Variants in ADAMTS19 observed in about 807,000 individuals in gnomAD.
The protein encoded by ADAMTS19 is ADAM metallopeptidase with thrombospondin type 1 motif 19.
A neutral mutation model predicts 153.3 loss-of-function variants in ADAMTS19; 93 were observed. That is an observed-to-expected ratio of 0.61 (90% CI 0.51 to 0.72). The LOEUF is 0.72. ADAMTS19 is among the 30% of genes least tolerant of loss of function. ADAMTS19 has a pLI of 0.00. For synonymous variants in ADAMTS19, 600 were observed against 556.6 expected (o/e 1.08, Z -1.10); for missense variants, 1,482 against 1,552.1 (o/e 0.95, Z 0.76).
At chr5:129,638,246 A>T (rs566029340) in intron 10 of ADAMTS19, among the ~76,000 whole-genome samples, 2 of 152,316 alleles carry the variant, frequency 1.3e-5, no homozygotes, top group Non-Finnish European at 2.9e-5. Flanking sequence ...AAGATTTTTA[A>T]CAGGCTTAAC....
intron 8 of ADAMTS19, among the ~76,000 whole-genome samples, chr5:129,618,635 A>G (rs1296936227): frequency 2.0e-5 from 3 of 151,952 alleles, no homozygotes; most frequent in Non-Finnish European, 2.9e-5. Context: ...TCTCATTGTA[A>G]TTTCCCTTAG....
intron 6 of ADAMTS19, among the ~76,000 whole-genome samples, chr5:129,544,831 G>A (rs1427856309): frequency 1.3e-5 from 2 of 152,150 alleles, no homozygotes; most frequent in Non-Finnish European, 2.9e-5. Flanking sequence ...AGCAAGCACA[G>A]GTTGTGAACA....
chr5:129,656,622 G>A (rs950440198), intron 14 of ADAMTS19, among the ~76,000 whole-genome samples: 8 of 152,154 alleles, frequency 5.3e-5, no homozygotes, highest in Non-Finnish European at 1.2e-4. Context: ...CTTCAAAGTA[G>A]TTCATCTTCA....
In ADAMTS19 at chr5:129,493,458, C is replaced by T. The variant is rs191540828; in HGVS notation, c.748-15619C>T. ...TTTCTCAATTCATTTTGCATTTCATCTGTTAATTCCCCTTTCAGTATTTTG... is the reference window on the plus strand; with the variant it reads ...TTTCTCAATTCATTTTGCATTTCATTTGTTAATTCCCCTTTCAGTATTTTG... On this transcript the variant is annotated intron_variant, in intron 2 of 22. Transcript: ENST00000274487. 4.7e-5 allele frequency among the ~76,000 whole-genome samples: 7 copies of T among 150,102 alleles called. No individual in the cohort carries two copies. The South Asian group carries it at 1.5e-3, about 32-fold the overall frequency.
intron 10 of ADAMTS19, among the ~76,000 whole-genome samples, chr5:129,640,118 A>G (rs781189392): frequency 1.2e-4 from 19 of 152,184 alleles, no homozygotes; most frequent in Admixed American, 5.2e-4. Flanking sequence ...TTTGTGTGAC[A>G]TATTTTGAAG....
At chr5:129,622,125 T>A in intron 9 of ADAMTS19, 73 bp from the exon 10 acceptor site, 3 of 1,477,782 alleles carry the variant, frequency 2.0e-6, no homozygotes, top group Non-Finnish European at 2.8e-6. Context: ...AAGTGTTTCT[T>A]GTTGTATGCT....
At chr5:129,724,321 T>C (rs1757119394) in intron 21 of ADAMTS19, among the ~76,000 whole-genome samples, 1 of 152,206 alleles carries the variant, frequency 6.6e-6, no homozygotes, top group Admixed American at 6.5e-5. Flanking sequence ...AGAGTCTGCT[T>C]TGTCAATCTT....
intron 1 of ADAMTS19, chr5:129,460,825 CTT>C: frequency 2.1e-6 from 1 of 474,460 alleles, no homozygotes; most frequent in South Asian, 4.0e-5. Flanking sequence ...GTGCTGGAGT[CTT>C]TGCATCGGTT....
intron 7 of ADAMTS19, among the ~76,000 whole-genome samples, chr5:129,580,136 TGAAGA>T (rs900373257): frequency 2.2e-4 from 34 of 152,330 alleles, no homozygotes; most frequent in African/African-American, 7.9e-4. Flanking sequence ...TAGTTCTCCT[TGAAGA>T]GGTCCTTCAC....
chr5:129,471,031 T>C (rs1275886985), intron 2 of ADAMTS19, among the ~76,000 whole-genome samples: 3 of 150,564 alleles, frequency 2.0e-5, no homozygotes, highest in Non-Finnish European at 4.4e-5. Context: ...TGATGTCCTG[T>C]TTCTTCAAGT....
intron 16 of ADAMTS19, among the ~76,000 whole-genome samples, chr5:129,672,585 G>T (rs988577908): frequency 7.2e-5 from 11 of 152,154 alleles, no homozygotes; most frequent in African/African-American, 2.4e-4. Flanking sequence ...CAACTTCATT[G>T]TGGTGGAGAG....
At chr5:129,626,633 G>A (rs1752062657) in intron 10 of ADAMTS19, among the ~76,000 whole-genome samples, 1 of 152,018 alleles carries the variant, frequency 6.6e-6, no homozygotes, top group African/African-American at 2.4e-5. Flanking sequence ...ATAGACGATA[G>A]ATAGGTAGCT....
At chr5:129,622,877 T>C (rs1751844428) in intron 10 of ADAMTS19, among the ~76,000 whole-genome samples, 1 of 152,178 alleles carries the variant, frequency 6.6e-6, no homozygotes, top group Non-Finnish European at 1.5e-5. Flanking sequence ...TTATTATTTG[T>C]ATTATTTATA....
intron 2 of ADAMTS19, among the ~76,000 whole-genome samples, chr5:129,494,410 A>G (rs1470009885): frequency 1.3e-5 from 2 of 152,098 alleles, no homozygotes; most frequent in Non-Finnish European, 2.9e-5. Flanking sequence ...TTTATTGATT[A>G]TTAGTTTTCT....
At chr5:129,546,675 CA>C (rs1752872513) in intron 6 of ADAMTS19, among the ~76,000 whole-genome samples, 1 of 150,712 alleles carries the variant, frequency 6.6e-6, no homozygotes, top group Non-Finnish European at 1.5e-5. Context: ...AAAATGAAAG[CA>C]AAAGAAAAAA....
rs115078193 is a variant in ADAMTS19, at chr5:129,668,195, A to G, written c.2506+2616A>G. 2.5e-3 allele frequency among the ~76,000 whole-genome samples: 382 copies of G among 152,120 alleles called. 1 individual carries two copies. Among genetic ancestry groups the G allele is most frequent in the African/African-American group, 7.5e-3 (312 of 41,490 alleles). The stretch of plus-strand genomic sequence containing the variant: ...TCTCTTTGCCTTCTCCTTTCCTTCT[A>G]TGTCCAAATTTTCCTCTTCTCTCTT... On this transcript the variant is annotated intron_variant, in intron 16 of 22. Transcript: ENST00000274487.
chr5:129,501,951 A>T (rs1377720794), intron 2 of ADAMTS19, among the ~76,000 whole-genome samples: 1 of 152,156 alleles, frequency 6.6e-6, no homozygotes, highest in Non-Finnish European at 1.5e-5. Context: ...TGGAAAGAAT[A>T]ATGATATGAC....
At chr5:129,736,984 G>A (rs766859847) in intron 22 of ADAMTS19, 83 bp from the exon 23 acceptor site, 57 of 1,322,208 alleles carry the variant, frequency 4.3e-5, no homozygotes, top group African/African-American at 1.2e-4. Flanking sequence ...TACAAAATCC[G>A]CCCCACTTAA....
chr5:129,578,362 A>G (rs1435109605), intron 7 of ADAMTS19, among the ~76,000 whole-genome samples: 2 of 100,678 alleles, frequency 2.0e-5, no homozygotes, highest in Non-Finnish European at 4.0e-5. Flanking sequence ...ACCTATATGC[A>G]TGTATATGTA....
Sources: gnomAD v4.1 joint callset for allele counts (sites outside exome capture counted in the v4.1 genomes callset) on GRCh38, gnomAD v4.1.1 for gene constraint, MANE v1.5 for transcripts, NCBI Gene and HGNC (gene_info 2026-07-23, HGNC 2026-07-21) for gene names.